The following CBFA2T2 variants were observed in gnomAD, a reference collection of about 807,000 sequenced individuals.
CBFA2T2 encodes the protein protein CBFA2T2.
Under a neutral mutation model 62.2 loss-of-function variants are expected in CBFA2T2, and 11 were observed. The observed-to-expected ratio is 0.18, with a 90% CI of 0.11 to 0.29. CBFA2T2 has a LOEUF of 0.29. Ranked by LOEUF, CBFA2T2 falls within the 10% of genes least tolerant of loss-of-function variation. The probability of loss-of-function intolerance (pLI) is 1.00; values close to 1 mark genes in which losing one functional copy is unlikely to be tolerated. For missense variants in CBFA2T2, 592 were observed against 774.1 expected (o/e 0.76, Z 2.79); for synonymous variants, 295 against 287.5 (o/e 1.03, Z -0.27).
At chr20:33,640,317 G>T in intron 9 of CBFA2T2, 24 bp from the exon 10 acceptor site, 1 of 1,602,158 alleles carries the variant, frequency 6.2e-7, no homozygotes, top group South Asian at 1.1e-5. Flanking sequence ...TCGGCCAGTT[G>T]ATTTTACTGT....
intron 1 of CBFA2T2, among the ~76,000 whole-genome samples, chr20:33,558,720 A>AT (rs1049214255): frequency 6.6e-6 from 1 of 151,468 alleles, no homozygotes; most frequent in South Asian, 2.1e-4. Flanking sequence ...CATTAGATTC[A>AT]TTTTTTCATT....
At chr20:33,538,828 A>G (rs1465371064) in intron 1 of CBFA2T2, among the ~76,000 whole-genome samples, 6 of 149,548 alleles carry the variant, frequency 4.0e-5, no homozygotes, top group African/African-American at 1.5e-4. Flanking sequence ...TTGGTCTTAG[A>G]TATTATCATA....
At chr20:33,563,024 A>G (rs1309245741) in intron 1 of CBFA2T2, among the ~76,000 whole-genome samples, 7 of 152,214 alleles carry the variant, frequency 4.6e-5, no homozygotes, top group African/African-American at 1.7e-4. Context: ...CCCCTTTAGT[A>G]TGCATAATAC....
chr20:33,594,037 C>A (rs978634018), intron 1 of CBFA2T2, among the ~76,000 whole-genome samples: 14 of 152,114 alleles, frequency 9.2e-5, no homozygotes, highest in African/African-American at 3.4e-4. Flanking sequence ...TAAATCAGCA[C>A]TTTGGATACT....
At chr20:33,580,527 C>G (rs151073592) in intron 1 of CBFA2T2, among the ~76,000 whole-genome samples, 25 of 152,236 alleles carry the variant, frequency 1.6e-4, no homozygotes, top group Middle Eastern at 6.8e-3. Flanking sequence ...TTTTTATATT[C>G]TTCATTACGC....
Position 33,624,960 on chromosome 20 carries a change from C to T in CBFA2T2, c.889C>T (p.Arg297Trp), listed in dbSNP as rs148795225. ...GGATATTGCAACTTCTCACCTGTAT[C>T]GGGAACCCAACAAGATGCTAGAGCA... ...LEDIATSHLY[R>W]EPNKMLEHRE... Residue 297 changes from arginine to tryptophan, a missense_variant, in exon 6 of 11, where the codon CGG (arginine) becomes TGG (tryptophan). Around this residue, in one of 3 missense-constraint regions of CBFA2T2, gnomAD observed 449 missense variants for 551.2 expected, o/e 0.81. Transcript: ENST00000342704. 1.1e-5 allele frequency: 17 copies of T among 1,614,132 alleles called. No individual in the cohort carries two copies. Among genetic ancestry groups the T allele is most frequent in the Admixed American group, 1.7e-5 (1 of 60,020 alleles).
intron 1 of CBFA2T2, among the ~76,000 whole-genome samples, chr20:33,505,733 A>T (rs547859315): frequency 6.6e-6 from 1 of 151,912 alleles, no homozygotes; most frequent in Non-Finnish European, 1.5e-5. Flanking sequence ...GTGAGCCGAG[A>T]TCGCGCCATT....
intron 1 of CBFA2T2, among the ~76,000 whole-genome samples, chr20:33,550,847 C>T (rs945883162): frequency 1.3e-5 from 2 of 152,116 alleles, no homozygotes; most frequent in South Asian, 4.2e-4. Context: ...GTCTCCAACT[C>T]CTGACCTCAG....
At chr20:33,529,979 G>GTTGC (rs1416159330) in intron 1 of CBFA2T2, among the ~76,000 whole-genome samples, 3 of 151,894 alleles carry the variant, frequency 2.0e-5, no homozygotes, top group Admixed American at 2.0e-4. Context: ...TGGCCACAGT[G>GTTGC]TTGCACCATG....
chr20:33,630,048 A>C (rs2016392803), intron 8 of CBFA2T2, 134 bp downstream of exon 8: 1 of 786,770 alleles, frequency 1.3e-6, no homozygotes, highest in Admixed American at 3.4e-5. Context: ...AACTCAGGTG[A>C]TTATGAAAAG....
intron 1 of CBFA2T2, among the ~76,000 whole-genome samples, chr20:33,563,862 G>A (rs2013182897): frequency 6.6e-6 from 1 of 152,038 alleles, no homozygotes; most frequent in Non-Finnish European, 1.5e-5. Flanking sequence ...AGTTTTCAGG[G>A]CGCCCTTCCT....
intron 1 of CBFA2T2, chr20:33,601,809 AT>A (rs11404798): frequency 3.5e-4 from 52 of 147,356 alleles, no homozygotes; most frequent in Non-Finnish European, 4.6e-4. Flanking sequence ...ATTCTAATAG[AT>A]TTTTTTTTTT....
At chr20:33,615,752 AAGAG>A (rs1013675825) in intron 3 of CBFA2T2, among the ~76,000 whole-genome samples, 1 of 152,054 alleles carries the variant, frequency 6.6e-6, no homozygotes, top group African/African-American at 2.4e-5. Context: ...TTAAAAAAAA[AAGAG>A]AGAGAGACTC....
intron 1 of CBFA2T2, among the ~76,000 whole-genome samples, chr20:33,514,206 G>GC (rs2011558747): frequency 7.5e-5 from 4 of 53,330 alleles, no homozygotes; most frequent in Non-Finnish European, 1.4e-4. Context: ...CCCTGCCTTT[G>GC]TTTTTTTTTT....
intron 1 of CBFA2T2, among the ~76,000 whole-genome samples, chr20:33,515,474 C>T (rs1181850790): frequency 6.6e-6 from 1 of 151,664 alleles, no homozygotes; most frequent in Non-Finnish European, 1.5e-5. Flanking sequence ...ATAATATCTA[C>T]CTATTATTTA....
At chr20:33,573,438 G>A (rs2146905112) in intron 1 of CBFA2T2, among the ~76,000 whole-genome samples, 1 of 152,082 alleles carries the variant, frequency 6.6e-6, no homozygotes, top group Admixed American at 6.6e-5. Flanking sequence ...TACTGTATGT[G>A]ACACATTGTT....
chr20:33,626,594 A>G (rs543783096), intron 6 of CBFA2T2, among the ~76,000 whole-genome samples: 1 of 152,240 alleles, frequency 6.6e-6, no homozygotes, highest in Non-Finnish European at 1.5e-5. Flanking sequence ...CGTTTTCAGC[A>G]TAAGGTTTTT....
chr20:33,629,607 TA>T, intron 7 of CBFA2T2, 111 bp from the exon 8 acceptor site: 1 of 979,552 alleles, frequency 1.0e-6, no homozygotes, highest in Non-Finnish European at 1.5e-6. Flanking sequence ...TTGATATTCC[TA>T]AATCTGTACT....
chr20:33,529,187 G>A (rs1202870048), intron 1 of CBFA2T2, among the ~76,000 whole-genome samples: 1 of 151,870 alleles, frequency 6.6e-6, no homozygotes, highest in Non-Finnish European at 1.5e-5. Context: ...CACCATGCCC[G>A]GCTAATTTTT....
Sources: allele counts gnomAD v4.1 joint callset (sites outside exome capture counted in the v4.1 genomes callset), GRCh38; gene constraint gnomAD v4.1.1; regional missense constraint gnomAD v4.1.1; transcripts MANE v1.5; gene names NCBI Gene and HGNC (gene_info 2026-07-23, HGNC 2026-07-21).